ATP9B: variants seen among roughly 807,000 people sequenced by gnomAD.
ATP9B encodes the protein probable phospholipid-transporting ATPase IIB.
ATP9B carries 110 observed loss-of-function variants against 146.1 expected under a neutral mutation model. The ratio of observed to expected loss-of-function variants is 0.75; its 90% CI spans 0.65 to 0.88. The LOEUF is 0.88. Ranked by LOEUF, ATP9B falls within the 40% of genes least tolerant of loss-of-function variation. The pLI, the probability that ATP9B is intolerant of heterozygous loss-of-function variation, is 0.00. For synonymous variants in ATP9B, 604 were observed against 569.7 expected, an observed-to-expected ratio of 1.06 and a Z score of -0.86; for missense variants, 1,499 against 1,496.4, an observed-to-expected ratio of 1.00 and a Z score of -0.03.
At chr18:79,270,931 G>A (rs1467969199) in intron 12 of ATP9B, among the ~76,000 whole-genome samples, 1 of 152,148 alleles carries the variant, frequency 6.6e-6, no homozygotes. Context: ...CTGTTTCCCA[G>A]TTGCCACAGC....
chr18:79,073,686 G>A (rs575946118), intron 1 of ATP9B, among the ~76,000 whole-genome samples: 2 of 152,302 alleles, frequency 1.3e-5, no homozygotes, highest in East Asian at 3.9e-4. Flanking sequence ...AGAGGGAGAA[G>A]GGAGAGGGTA....
chr18:79,089,617 T>C (rs1304491973), intron 1 of ATP9B, among the ~76,000 whole-genome samples: 1 of 152,200 alleles, frequency 6.6e-6, no homozygotes, highest in Admixed American at 6.5e-5. Flanking sequence ...GAAAAAAAAT[T>C]ATTGTTAATT....
chr18:79,323,863 T>C (rs909161137), intron 15 of ATP9B, among the ~76,000 whole-genome samples: 1 of 152,198 alleles, frequency 6.6e-6, no homozygotes, highest in Non-Finnish European at 1.5e-5. Flanking sequence ...TGTGTTTAGA[T>C]TGGGGGTAAC....
intron 13 of ATP9B, among the ~76,000 whole-genome samples, chr18:79,303,107 G>T (rs1301251473): frequency 6.6e-6 from 1 of 152,194 alleles, no homozygotes; most frequent in Non-Finnish European, 1.5e-5. Context: ...CGTGTGCAGT[G>T]GCTCACGTCT....
chr18:79,111,829 C>T (rs541406276), intron 3 of ATP9B, among the ~76,000 whole-genome samples: 5 of 152,184 alleles, frequency 3.3e-5, no homozygotes, highest in Admixed American at 6.5e-5. Context: ...TATCTTAGAT[C>T]GTCTCTGAAA....
intron 11 of ATP9B, among the ~76,000 whole-genome samples, chr18:79,251,839 C>T (rs1460711573): frequency 6.6e-6 from 1 of 152,156 alleles, no homozygotes; most frequent in Non-Finnish European, 1.5e-5. Context: ...TTTTTGCAGT[C>T]ATGTTTTCTT....
At chr18:79,289,890 TTGTC>T (rs1568587611) in intron 13 of ATP9B, among the ~76,000 whole-genome samples, 1 of 152,184 alleles carries the variant, frequency 6.6e-6, no homozygotes, top group Admixed American at 6.5e-5. Flanking sequence ...CAGACCCTGT[TTGTC>T]TGGGTATTAG....
intron 5 of ATP9B, 146 bp downstream of exon 5, chr18:79,126,521 A>T: frequency 1.7e-6 from 1 of 592,226 alleles, no homozygotes; most frequent in Non-Finnish European, 2.8e-6. Context: ...TAATTTCCTT[A>T]TAATGTATAA....
chr18:79,157,504 G>A (rs987244359), intron 7 of ATP9B, among the ~76,000 whole-genome samples: 4 of 151,466 alleles, frequency 2.6e-5, no homozygotes, highest in African/African-American at 9.7e-5. Flanking sequence ...TGGCCTTAGT[G>A]GAATGAGTTA....
chr18:79,150,800 G>T (rs911744168), intron 6 of ATP9B, among the ~76,000 whole-genome samples: 2 of 152,092 alleles, frequency 1.3e-5, no homozygotes, highest in Non-Finnish European at 2.9e-5. Flanking sequence ...GACGAGCCTG[G>T]ACAACATAGA....
intron 7 of ATP9B, among the ~76,000 whole-genome samples, chr18:79,175,785 C>T (rs9958149): frequency 0.56 from 85,809 of 152,058 alleles, 26,002 homozygotes; most frequent in African/African-American, 0.8. Context: ...CACACAGATA[C>T]GCTTGTGCAC....
chr18:79,365,779 G>A (rs969657982), intron 26 of ATP9B, among the ~76,000 whole-genome samples: 13 of 151,968 alleles, frequency 8.6e-5, no homozygotes, highest in African/African-American at 2.7e-4. Context: ...CAGTCCATGC[G>A]TGGATGGAGG....
intron 13 of ATP9B, among the ~76,000 whole-genome samples, chr18:79,285,776 T>C (rs2096432583): frequency 6.6e-6 from 1 of 152,196 alleles, no homozygotes; most frequent in African/African-American, 2.4e-5. Context: ...CTTTAATCCA[T>C]CTTGAATTAA....
chr18:79,265,362 T>A (rs1398307509), intron 12 of ATP9B, among the ~76,000 whole-genome samples: 1 of 152,146 alleles, frequency 6.6e-6, no homozygotes, highest in African/African-American at 2.4e-5. Flanking sequence ...GTTGGGCTGG[T>A]CTCAAACTCC....
rs1381950565 is a variant in ATP9B at position 79,364,350 on chromosome 18, G to C, written c.3012+4888G>C. 3.3e-5 allele frequency: 5 copies of C among 152,066 alleles called. No homozygotes were observed. In the South Asian group the frequency reaches 8.3e-4, roughly 25 times the overall value. 9.4% of individuals were successfully genotyped at this position (152,066 alleles called of 1,614,324 possible). A position where few individuals can be genotyped will look rare whatever the true frequency, so the allele number is the denominator to read the frequency against. ...TGATTCCAAGACTTACTGTAAAACA[G>C]TAATCAGTTAGACAATGTGTTATTG... On this transcript the variant is annotated intron_variant, in intron 26 of 29. Coordinates refer to ENST00000426216, the MANE Select transcript of ATP9B (RefSeq NM_198531.5).
intron 9 of ATP9B, chr18:79,194,544 C>G (rs886327500): frequency 1.3e-5 from 2 of 152,106 alleles, no homozygotes; most frequent in Non-Finnish European, 2.9e-5. Context: ...GTGGCTTGAC[C>G]GGAGGAAGCC....
intron 8 of ATP9B, among the ~76,000 whole-genome samples, chr18:79,185,115 C>T (rs4799018): frequency 0.3 from 45,868 of 151,852 alleles, 7,216 homozygotes; most frequent in East Asian, 0.51. Context: ...CATGGGGGCA[C>T]GGGGATACTT....
At chr18:79,355,821 T>A (rs1372501232) in intron 25 of ATP9B, among the ~76,000 whole-genome samples, 1 of 151,934 alleles carries the variant, frequency 6.6e-6, no homozygotes, top group East Asian at 1.9e-4. Context: ...ACCAAGATAA[T>A]CATAATCAAA....
At chr18:79,333,194 G>A (rs953987838) in intron 17 of ATP9B, among the ~76,000 whole-genome samples, 4 of 152,242 alleles carry the variant, frequency 2.6e-5, no homozygotes, top group African/African-American at 9.6e-5. Flanking sequence ...GTGCCCGGGT[G>A]GTTTCTCAGC....
Sources: allele counts gnomAD v4.1 joint callset (sites outside exome capture counted in the v4.1 genomes callset), GRCh38; gene constraint gnomAD v4.1.1; transcripts MANE v1.5; gene names NCBI Gene and HGNC (gene_info 2026-07-23, HGNC 2026-07-21).